The following CRIM1 variants were observed in gnomAD, a reference collection of about 807,000 sequenced individuals.
The protein encoded by CRIM1 is cysteine rich transmembrane BMP regulator 1, also known as cysteine-rich motor neuron 1 protein.
CRIM1 carries 32 observed loss-of-function variants against 116.4 expected under a neutral mutation model. The ratio of observed to expected loss-of-function variants is 0.27; its 90% CI spans 0.21 to 0.37. The LOEUF (loss-of-function observed/expected upper bound fraction) is 0.37. Ranked by LOEUF, CRIM1 falls within the 10% of genes least tolerant of loss-of-function variation. CRIM1 has a pLI of 1.00. For synonymous variants in CRIM1, 590 were observed against 509.2 expected (o/e 1.16, Z -2.13); for missense variants, 1,331 against 1,354.8 (o/e 0.98, Z 0.28).
At chr2:36,369,655 T>C (rs1669818220) in intron 1 of CRIM1, among the ~76,000 whole-genome samples, 1 of 152,124 alleles carries the variant, frequency 6.6e-6, no homozygotes, top group Admixed American at 6.5e-5. Flanking sequence ...TGTTGCCATA[T>C]AGGAACATTC....
intron 7 of CRIM1, among the ~76,000 whole-genome samples, chr2:36,495,240 C>G (rs765991831): frequency 6.6e-6 from 1 of 152,112 alleles, no homozygotes; most frequent in Non-Finnish European, 1.5e-5. Context: ...TGCCATACCC[C>G]CTGTAACATA....
chr2:36,368,614 G>A (rs1345416915), intron 1 of CRIM1, among the ~76,000 whole-genome samples: 1 of 152,186 alleles, frequency 6.6e-6, no homozygotes, highest in Non-Finnish European at 1.5e-5. Context: ...TCCAGAATGA[G>A]GTACTAGTTA....
intron 1 of CRIM1, among the ~76,000 whole-genome samples, chr2:36,394,405 A>G (rs1298880610): frequency 6.6e-6 from 1 of 152,176 alleles, no homozygotes; most frequent in African/African-American, 2.4e-5. Context: ...ACAGATAAGA[A>G]ATCACTTGGA....
chr2:36,387,212 A>G (rs1294877232), intron 1 of CRIM1, among the ~76,000 whole-genome samples: 2 of 152,240 alleles, frequency 1.3e-5, no homozygotes, highest in African/African-American at 2.4e-5. Context: ...TGAACCAGGT[A>G]TGTAAGAGAC....
chr2:36,381,177 A>T (rs916605966), intron 1 of CRIM1, among the ~76,000 whole-genome samples: 2 of 152,086 alleles, frequency 1.3e-5, no homozygotes, highest in African/African-American at 2.4e-5. Context: ...GGAATGTGGC[A>T]CTCTGACCCC....
At chr2:36,481,523 T>G (rs551222925) in intron 7 of CRIM1, among the ~76,000 whole-genome samples, 1 of 152,334 alleles carries the variant, frequency 6.6e-6, no homozygotes, top group East Asian at 1.9e-4. Flanking sequence ...AGAGATAACC[T>G]TTAACTTTGA....
At chr2:36,389,439 G>C (rs2148356973) in intron 1 of CRIM1, among the ~76,000 whole-genome samples, 1 of 152,294 alleles carries the variant, frequency 6.6e-6, no homozygotes, top group Non-Finnish European at 1.5e-5. Context: ...TAGCCACAGG[G>C]ATATGTGAAC....
Position 36,356,673 on chromosome 2 carries a change from T to C in CRIM1, c.331+50T>C. ...CTCCCACCTGGCCTGCGCCGCCCCC[T>C]CGGCGCTGGTTGTGCCGAACAAAGT... is the stretch of plus-strand genomic sequence containing the variant. On this transcript the variant is annotated intron_variant, in intron 1 of 16. Transcript: ENST00000280527. This position sits in a 1 kb window ranked among gnomAD's most constrained non-coding sequence, Gnocchi z 4.3. 1 of 1,533,192 alleles carries C rather than the reference T, an allele frequency of 6.5e-7. No individual in the cohort carries two copies. The highest frequency in any genetic ancestry group is 1.2e-5 in the South Asian group (1 of 83,086). 95.0% of individuals were successfully genotyped at this position (1,533,192 alleles called of 1,614,324 possible).
intron 7 of CRIM1, among the ~76,000 whole-genome samples, chr2:36,498,465 A>G (rs1017730772): frequency 6.6e-6 from 1 of 152,264 alleles, no homozygotes; most frequent in Non-Finnish European, 1.5e-5. Context: ...TAAACCTTAT[A>G]TAAATACATA....
Position 36,469,439 on chromosome 2 carries a change from G to C in CRIM1, c.991+4784G>C, listed in dbSNP as rs183708464. Among the ~76,000 whole-genome samples the C allele has an allele frequency of 2.5e-4, 38 of 152,250 alleles. 1 individual carries two copies. The East Asian group carries it at 3.3e-3, about 13-fold the overall frequency. ...GAGGAGCCTGGATGAAGGTCATGTT[G>C]CCCACCCAGTAATTAGTTCCTGTTT... On this transcript the variant is annotated intron_variant, in intron 5 of 16. Coordinates refer to ENST00000280527, the MANE Select transcript of CRIM1 (RefSeq NM_016441.3).
chr2:36,542,116 C>T (rs1026580215), intron 14 of CRIM1, among the ~76,000 whole-genome samples: 1 of 152,084 alleles, frequency 6.6e-6, no homozygotes, highest in African/African-American at 2.4e-5. Flanking sequence ...TTAATCAGAG[C>T]TGAACTGAGT....
At chr2:36,473,057 A>G (rs1190070749) in intron 5 of CRIM1, among the ~76,000 whole-genome samples, 1 of 152,236 alleles carries the variant, frequency 6.6e-6, no homozygotes, top group Non-Finnish European at 1.5e-5. Flanking sequence ...AAATCACGTC[A>G]TCTCTTTAAG....
chr2:36,431,807 C>A (rs1407071278), intron 2 of CRIM1, among the ~76,000 whole-genome samples: 1 of 152,196 alleles, frequency 6.6e-6, no homozygotes, highest in African/African-American at 2.4e-5. Flanking sequence ...GGGCCAGCCC[C>A]TCATTTTACA....
chr2:36,486,391 C>A (rs947692399), intron 7 of CRIM1, among the ~76,000 whole-genome samples: 2 of 152,132 alleles, frequency 1.3e-5, no homozygotes, highest in African/African-American at 4.8e-5. Flanking sequence ...TCGGTAATGC[C>A]TTGCTCTTTG....
chr2:36,537,451 T>C lies in CRIM1; in HGVS notation c.2528T>C (p.Leu843Pro). The C allele has an allele frequency of 6.2e-7, 1 of 1,614,224 alleles. No individual in the cohort carries two copies. Among genetic ancestry groups the C allele is most frequent in the Non-Finnish European group, 8.5e-7 (1 of 1,180,038 alleles). The stretch of plus-strand genomic sequence containing the variant: ...GACAGCTGCACCCACTGCTACTGCC[T>C]GCAGGGCCAGACCCTCTGCTCGACC... ...DLDSCTHCYC[L>P]QGQTLCSTVS... The change falls in exon 14 of 17, where the codon CTG (leucine) becomes CCG (proline). Residue 843 changes from leucine to proline, a missense_variant. Transcript: ENST00000280527.
intron 5 of CRIM1, among the ~76,000 whole-genome samples, chr2:36,473,423 G>A (rs183308669): frequency 6.6e-6 from 1 of 152,238 alleles, no homozygotes; most frequent in East Asian, 1.9e-4. Context: ...TGTTTTCAGT[G>A]TATGCTCAGA....
chr2:36,410,593 G>A (rs1673132684), intron 2 of CRIM1, among the ~76,000 whole-genome samples: 1 of 151,856 alleles, frequency 6.6e-6, no homozygotes, highest in African/African-American at 2.4e-5. Flanking sequence ...TTATTAAGAG[G>A]AAAAGTCCTG....
chr2:36,438,180 T>C (rs1675478135), intron 2 of CRIM1, among the ~76,000 whole-genome samples: 1 of 151,654 alleles, frequency 6.6e-6, no homozygotes, highest in Non-Finnish European at 1.5e-5. Context: ...AGATCTAATA[T>C]GTTGGGTTTT....
intron 8 of CRIM1, among the ~76,000 whole-genome samples, chr2:36,500,732 C>G (rs999185511): frequency 7.9e-5 from 12 of 152,296 alleles, no homozygotes; most frequent in African/African-American, 2.4e-4. Context: ...GGACAAAGAC[C>G]TGCAGAATGA....
Sources: gnomAD v4.1 joint callset for allele counts (sites outside exome capture counted in the v4.1 genomes callset) on GRCh38, gnomAD v4.1.1 for gene constraint, Gnocchi (gnomAD v3.1) non-coding constraint, MANE v1.5 for transcripts, NCBI Gene and HGNC (gene_info 2026-07-23, HGNC 2026-07-21) for gene names.